NAV3: variants seen among roughly 807,000 people sequenced by gnomAD.
NAV3 encodes the protein pore membrane and/or filament interacting like protein 1.
A neutral mutation model predicts 244.7 loss-of-function variants in NAV3; 87 were observed. The observed-to-expected ratio is 0.36, with a 90% CI of 0.30 to 0.42. The LOEUF is 0.42. NAV3 is among the 20% of genes least tolerant of loss of function. The pLI is 1.00. For synonymous variants in NAV3, 1,126 were observed against 1,042.2 expected, an observed-to-expected ratio of 1.08 and a Z score of -1.55; for missense variants, 2,663 against 2,893.3, an observed-to-expected ratio of 0.92 and a Z score of 1.83.
At chr12:77,602,837 A>G (rs550254718) in intron 2 of NAV3, among the ~76,000 whole-genome samples, 1 of 152,132 alleles carries the variant, frequency 6.6e-6, no homozygotes, top group African/African-American at 2.4e-5. Context: ...ACCTTCAAAT[A>G]TATCTTTGAT....
At chr12:77,708,682 C>T (rs887377912) in intron 2 of NAV3, among the ~76,000 whole-genome samples, 1 of 152,156 alleles carries the variant, frequency 6.6e-6, no homozygotes, top group Non-Finnish European at 1.5e-5. Flanking sequence ...CTGATTCTTC[C>T]TATCCATGAG....
intron 8 of NAV3, among the ~76,000 whole-genome samples, chr12:78,018,945 G>A (rs1409906125): frequency 3.3e-4 from 50 of 152,216 alleles, no homozygotes; most frequent in Admixed American, 3.3e-3. Flanking sequence ...CTTTAGAAAC[G>A]AATGGGGAGG....
At chr12:77,886,634 G>A (rs1042446106) in intron 1 of NAV3, among the ~76,000 whole-genome samples, 1 of 151,956 alleles carries the variant, frequency 6.6e-6, no homozygotes. Flanking sequence ...TGATATTCTT[G>A]CATTTAACTA....
At chr12:77,622,121 A>C (rs2136875331) in intron 2 of NAV3, among the ~76,000 whole-genome samples, 1 of 152,194 alleles carries the variant, frequency 6.6e-6, no homozygotes, top group East Asian at 1.9e-4. Flanking sequence ...AAAAGGCAGG[A>C]AACTCATAGC....
chr12:77,965,841 A>G (rs892322867), intron 3 of NAV3, among the ~76,000 whole-genome samples: 19 of 152,310 alleles, frequency 1.2e-4, no homozygotes, highest in African/African-American at 4.3e-4. Flanking sequence ...CTTGACAAAC[A>G]CTGCTGGTTG....
chr12:77,829,715 C>T (rs991267075), upstream of NAV3, among the ~76,000 whole-genome samples: 10 of 152,186 alleles, frequency 6.6e-5, no homozygotes, highest in Non-Finnish European at 1.3e-4. Flanking sequence ...GCCTGCAAGA[C>T]TTCTAACTTA....
intron 23 of NAV3, among the ~76,000 whole-genome samples, chr12:78,167,394 C>T (rs78409862): frequency 4.9e-4 from 75 of 151,656 alleles, no homozygotes; most frequent in African/African-American, 1.7e-3. Context: ...TAAAGAAGGT[C>T]TGGTTGTTTG....
At position 78,211,414 on chromosome 12, in the gene NAV3, C is replaced by T. The variant is rs954680828; in HGVS notation, c.*897C>T. The T allele has an allele frequency of 3.9e-5, 6 of 152,072 alleles. No individual in the cohort carries two copies. In the East Asian group the frequency reaches 9.7e-4, roughly 25 times the overall value. The allele number at this position is 152,072 out of a possible 1,614,324, so 9.4% of individuals were successfully genotyped here. A position where few individuals can be genotyped will look rare whatever the true frequency, so the allele number is the denominator to read the frequency against. ...CCATTGGTAATTTCCACTGTCTTTT[C>T]ATTTACAACCAAGCAACACCAGTTA... On this transcript the variant is annotated 3_prime_UTR_variant, in exon 40 of 40. Coordinates refer to ENST00000397909, the MANE Select transcript of NAV3 (RefSeq NM_001024383.2).
intron 2 of NAV3, among the ~76,000 whole-genome samples, chr12:77,649,094 C>T (rs563488732): frequency 6.6e-6 from 1 of 152,216 alleles, no homozygotes; most frequent in African/African-American, 2.4e-5. Flanking sequence ...AAACTATATT[C>T]TTGGACTTTG....
intron 20 of NAV3, among the ~76,000 whole-genome samples, chr12:78,140,570 A>C (rs1389372265): frequency 6.6e-6 from 1 of 152,112 alleles, no homozygotes; most frequent in Non-Finnish European, 1.5e-5. Context: ...ATCATAATCA[A>C]TGAGTGGATG....
chr12:77,981,694 A>G (rs973520430), intron 5 of NAV3, among the ~76,000 whole-genome samples: 4 of 152,036 alleles, frequency 2.6e-5, no homozygotes, highest in African/African-American at 2.4e-5. Flanking sequence ...ATACTGTATT[A>G]TAGAAGAAAA....
At chr12:78,102,560 C>T (rs372019269) in intron 12 of NAV3, among the ~76,000 whole-genome samples, 1 of 152,192 alleles carries the variant, frequency 6.6e-6, no homozygotes, top group South Asian at 2.1e-4. Context: ...TCCACTAGGC[C>T]GTGCTCCAGT....
intron 1 of NAV3, among the ~76,000 whole-genome samples, chr12:77,897,498 C>A (rs1884760638): frequency 1.3e-5 from 2 of 152,260 alleles, no homozygotes; most frequent in South Asian, 2.1e-4. Context: ...ACAAAGAGGT[C>A]TTTTCCTTGC....
intron 1 of NAV3, among the ~76,000 whole-genome samples, chr12:77,873,489 T>G (rs1881300202): frequency 6.6e-6 from 1 of 151,680 alleles, no homozygotes; most frequent in Non-Finnish European, 1.5e-5. Flanking sequence ...ATTGAAGTTA[T>G]AAATCATAAT....
At chr12:78,175,897 T>C (rs1284846198) in intron 25 of NAV3, among the ~76,000 whole-genome samples, 1 of 133,960 alleles carries the variant, frequency 7.5e-6, no homozygotes, top group Non-Finnish European at 1.7e-5. Flanking sequence ...ATGATGATGG[T>C]GATGATGATG....
rs1298099048 is a variant in NAV3 at position 77,662,217 on chromosome 12, ATATCTATCTGTC to A, written c.72+89961_72+89972del. Among the ~76,000 whole-genome samples, 909 of 105,818 alleles carry A rather than the reference ATATCTATCTGTC, an allele frequency of 8.6e-3. 10 individuals are homozygous for A. The highest frequency in any genetic ancestry group is 0.03 in the African/African-American group (873 of 29,268). 69.4% of individuals were successfully genotyped at this position (105,818 alleles called of 152,430 possible). A position where few individuals can be genotyped will look rare whatever the true frequency, so the allele number is the denominator to read the frequency against. On this transcript the variant is annotated intron_variant, in intron 2 of 8. Coordinates refer to the NAV3 transcript ENST00000550042. ...ATATCTCACCTTATTATATATCTTC[ATATCTATCTGTC>A]TATCTATCTATCTATCTATCTATCT...
At chr12:77,692,335 G>T (rs890302028) in intron 2 of NAV3, among the ~76,000 whole-genome samples, 3 of 151,906 alleles carry the variant, frequency 2.0e-5, no homozygotes, top group Non-Finnish European at 2.9e-5. Context: ...TTTTGAAGGG[G>T]AAATAGACCA....
intron 12 of NAV3, among the ~76,000 whole-genome samples, chr12:78,085,963 A>G (rs979274490): frequency 6.6e-6 from 1 of 152,120 alleles, no homozygotes; most frequent in Admixed American, 6.6e-5. Flanking sequence ...ACAATGTGTC[A>G]TAGAAATTAA....
chr12:78,179,327 A>C (rs1958399359), intron 28 of NAV3: 1 of 477,264 alleles, frequency 2.1e-6, no homozygotes, highest in African/African-American at 2.0e-5. Flanking sequence ...AAAAAAGATT[A>C]AAAGAAAAAG....
Sources: allele counts gnomAD v4.1 joint callset (sites outside exome capture counted in the v4.1 genomes callset), GRCh38; gene constraint gnomAD v4.1.1; transcripts MANE v1.5; gene names NCBI Gene and HGNC (gene_info 2026-07-23, HGNC 2026-07-21).